The following PTPRD variants were observed in gnomAD, a reference collection of about 807,000 sequenced individuals.
PTPRD encodes protein tyrosine phosphatase receptor type D, also known as receptor-type tyrosine-protein phosphatase delta.
Under a neutral mutation model 214.5 loss-of-function variants are expected in PTPRD, and 34 were observed. The ratio of observed to expected loss-of-function variants is 0.16; its 90% confidence interval spans 0.12 to 0.21. The LOEUF (loss-of-function observed/expected upper bound fraction) is 0.21, where lower values mean the gene tolerates loss of function less well. PTPRD is among the 10% of genes least tolerant of loss of function. The pLI is 1.00. For synonymous variants in PTPRD, 1,128 were observed against 845.7 expected, an observed-to-expected ratio of 1.33 and a Z score of -5.79; for missense variants, 2,545 against 2,398.7, an observed-to-expected ratio of 1.06 and a Z score of -1.27.
intron 11 of PTPRD, among the ~76,000 whole-genome samples, chr9:9,005,679 T>C (rs1382535769): frequency 6.6e-6 from 1 of 152,064 alleles, no homozygotes; most frequent in Non-Finnish European, 1.5e-5. Flanking sequence ...TGCCTTTTAA[T>C]AAAGTTCACT....
At chr9:8,882,679 G>A (rs1317786851) in intron 11 of PTPRD, among the ~76,000 whole-genome samples, 1 of 151,988 alleles carries the variant, frequency 6.6e-6, no homozygotes, top group Non-Finnish European at 1.5e-5. Flanking sequence ...GAGTCCAGGA[G>A]TTTGAGACCA....
At chr9:10,092,924 T>G (rs988233128) in intron 3 of PTPRD, among the ~76,000 whole-genome samples, 1 of 151,596 alleles carries the variant, frequency 6.6e-6, no homozygotes, top group African/African-American at 2.4e-5. Flanking sequence ...ACTGGACTCC[T>G]GCCTTTTACC....
chr9:10,229,179 G>A (rs1195151796), intron 3 of PTPRD, among the ~76,000 whole-genome samples: 30 of 152,062 alleles, frequency 2.0e-4, no homozygotes, highest in Admixed American at 2.0e-3. Context: ...TTAGAATGGC[G>A]ATCATTAAAA....
intron 8 of PTPRD, among the ~76,000 whole-genome samples, chr9:9,495,027 G>C (rs576518000): frequency 6.4e-4 from 97 of 152,044 alleles, no homozygotes; most frequent in South Asian, 1.5e-3. Context: ...TTGGTAAAAT[G>C]ATTTTTGACA....
intron 10 of PTPRD, among the ~76,000 whole-genome samples, chr9:9,020,881 T>G (rs1030685953): frequency 5.3e-5 from 8 of 152,172 alleles, no homozygotes; most frequent in Non-Finnish European, 1.2e-4. Flanking sequence ...CGGATGTATA[T>G]ATCCTCTAAA....
At chr9:9,614,871 C>G (rs1564070200) in intron 7 of PTPRD, among the ~76,000 whole-genome samples, 1 of 152,268 alleles carries the variant, frequency 6.6e-6, no homozygotes, top group East Asian at 1.9e-4. Context: ...TGCTGTGTCA[C>G]TTACCAATTT....
At chr9:9,535,974 C>A (rs2154268066) in intron 8 of PTPRD, among the ~76,000 whole-genome samples, 1 of 152,104 alleles carries the variant, frequency 6.6e-6, no homozygotes, top group East Asian at 1.9e-4. Flanking sequence ...AAATCTTGTT[C>A]CTAACCAAGA....
chr9:8,577,782 A>G (rs544227138), intron 14 of PTPRD, among the ~76,000 whole-genome samples: 21 of 152,292 alleles, frequency 1.4e-4, no homozygotes, highest in Admixed American at 1.2e-3. Flanking sequence ...CTGGGAACTC[A>G]TTAAAAATGC....
intron 4 of PTPRD, among the ~76,000 whole-genome samples, chr9:10,018,949 C>T (rs1187282362): frequency 6.6e-6 from 1 of 152,118 alleles, no homozygotes; most frequent in African/African-American, 2.4e-5. Flanking sequence ...AACTAAAGAG[C>T]TTCTGCGCAG....
chr9:10,223,684 A>ATAATAATAT (rs1266992155), intron 3 of PTPRD, among the ~76,000 whole-genome samples: 3 of 138,020 alleles, frequency 2.2e-5, no homozygotes, highest in Non-Finnish European at 3.2e-5. Context: ...AATAATAATA[A>ATAATAATAT]TAATAATAAT....
At chr9:9,075,631 A>G (rs748564907) in intron 10 of PTPRD, among the ~76,000 whole-genome samples, 2 of 152,098 alleles carry the variant, frequency 1.3e-5, no homozygotes, top group East Asian at 3.9e-4. Context: ...TCATTGTTCA[A>G]TTCCCACCTG....
At position 8,408,876 on chromosome 9, in the gene PTPRD, T is replaced by C. The variant is rs140655175; in HGVS notation, c.4087-4216A>G. Among the ~76,000 whole-genome samples the C allele has an allele frequency of 8.1e-5, 8 of 99,038 alleles. No homozygotes were observed. In the East Asian group the frequency reaches 2.9e-3, roughly 36 times the overall value. 65.0% of individuals were successfully genotyped at this position (99,038 alleles called of 152,430 possible). On this transcript the variant is annotated intron_variant, in intron 35 of 45. Coordinates refer to ENST00000381196, the MANE Select transcript of PTPRD (RefSeq NM_002839.4). ...TGACCCAATAGAAGAAAAAATCCTA[T>C]TGTGAGTGATTTAAAGAACAACGGG... is the stretch of plus-strand genomic sequence containing the variant.
chr9:10,396,036 T>C (rs2098163977), intron 2 of PTPRD, among the ~76,000 whole-genome samples: 1 of 151,488 alleles, frequency 6.6e-6, no homozygotes, highest in Non-Finnish European at 1.5e-5. Flanking sequence ...AATGATTTCC[T>C]GGTGCCTTTA....
intron 35 of PTPRD, among the ~76,000 whole-genome samples, chr9:8,406,301 C>T (rs936006886): frequency 9.2e-5 from 14 of 152,184 alleles, no homozygotes; most frequent in African/African-American, 3.1e-4. Flanking sequence ...CATGTCCACA[C>T]AGAACAGCTC....
chr9:10,264,814 T>C (rs1339714996), intron 3 of PTPRD, among the ~76,000 whole-genome samples: 1 of 152,150 alleles, frequency 6.6e-6, no homozygotes, highest in Non-Finnish European at 1.5e-5. Flanking sequence ...AAGTCTCATC[T>C]TGAATTATAG....
At chr9:9,783,471 T>C (rs537916125) in intron 5 of PTPRD, among the ~76,000 whole-genome samples, 44 of 152,254 alleles carry the variant, frequency 2.9e-4, no homozygotes, top group African/African-American at 9.6e-4. Context: ...CTGATGAACT[T>C]ACAAATTAAA....
At position 8,594,145 on chromosome 9, in the gene PTPRD, G is replaced by A. The variant is rs142263466; in HGVS notation, c.352+39172C>T. Among the ~76,000 whole-genome samples, 311 of 152,206 alleles carry A rather than the reference G, an allele frequency of 2.0e-3. 2 individuals carry two copies. The highest frequency in any genetic ancestry group is 5.5e-3 in the African/African-American group (227 of 41,520). Reference sequence around the variant, plus strand: ...TTTTTGCTGGATTGGTTTGACATGTGAAATCACACAGAATAAATCTAATCT... The same window carrying A: ...TTTTTGCTGGATTGGTTTGACATGTAAAATCACACAGAATAAATCTAATCT... On this transcript the variant is annotated intron_variant, in intron 14 of 45. Coordinates refer to ENST00000381196, the MANE Select transcript of PTPRD (RefSeq NM_002839.4).
At chr9:10,003,837 AT>A (rs1241536390) in intron 4 of PTPRD, among the ~76,000 whole-genome samples, 1 of 151,826 alleles carries the variant, frequency 6.6e-6, no homozygotes, top group East Asian at 1.9e-4. Context: ...CAAATTCTAA[AT>A]TTTTTTAATA....
intron 14 of PTPRD, among the ~76,000 whole-genome samples, chr9:8,608,399 G>C (rs1249641691): frequency 6.6e-6 from 1 of 152,082 alleles, no homozygotes; most frequent in Non-Finnish European, 1.5e-5. Flanking sequence ...AAGAACGAGA[G>C]GTATTTCCAA....
Sources: gnomAD v4.1 joint callset for allele counts (sites outside exome capture counted in the v4.1 genomes callset) on GRCh38, gnomAD v4.1.1 for gene constraint, MANE v1.5 for transcripts, NCBI Gene and HGNC (gene_info 2026-07-23, HGNC 2026-07-21) for gene names.